The following TGFB2 variants were observed in gnomAD, a reference collection of about 807,000 sequenced individuals.
TGFB2 encodes the protein transforming growth factor beta-2 proprotein.
Under a neutral mutation model 42.7 loss-of-function variants are expected in TGFB2, and 13 were observed. That is an observed-to-expected ratio of 0.30 (90% CI 0.20 to 0.48). The LOEUF is 0.48. Among genes scored for constraint, TGFB2 ranks in the 20% least tolerant of loss-of-function variants. TGFB2 has a pLI of 0.99. For missense variants in TGFB2, 390 were observed against 517.5 expected (o/e 0.75, Z 2.39); for synonymous variants, 193 against 193.6 (o/e 1.00, Z 0.03).
chr1:218,404,149 A>G (rs1658827294), intron 1 of TGFB2, among the ~76,000 whole-genome samples: 3 of 151,330 alleles, frequency 2.0e-5, no homozygotes, highest in Middle Eastern at 7.0e-3. Context: ...ACCTCACCCT[A>G]TTGCCCAGGC....
chr1:218,355,149 C>T (rs1396663099), intron 1 of TGFB2, among the ~76,000 whole-genome samples: 1 of 152,216 alleles, frequency 6.6e-6, no homozygotes, highest in Non-Finnish European at 1.5e-5. Flanking sequence ...ATCCATCCGC[C>T]TCGGTCTCCC....
At chr1:218,379,323 C>T (rs1026841812) in intron 1 of TGFB2, among the ~76,000 whole-genome samples, 45 of 151,738 alleles carry the variant, frequency 3.0e-4, no homozygotes, top group Admixed American at 1.6e-3. Context: ...TTAGTAGAGA[C>T]AGGGTTTCAC....
rs10482810 is a variant in TGFB2 at position 218,434,190 on chromosome 1, G to C, written c.619G>C (p.Val207Leu). 8,032 of 1,614,148 alleles carry C rather than the reference G, an allele frequency of 5.0e-3. 36 individuals are homozygous for C. Among genetic ancestry groups the C allele is most frequent in the Non-Finnish European group, 6.0e-3 (7,055 of 1,179,996 alleles). ...GCTCTCCTTCGATGTAACTGATGCT[G>C]TTCATGAATGGCTTCACCATAAAGG... Reference protein sequence around the residue: ...EWLSFDVTDAVHEWLHHKDRN... With the variant: ...EWLSFDVTDALHEWLHHKDRN... Residue 207 changes from valine (V) to leucine (L), a missense_variant, in exon 3 of 7, where the codon GTT becomes CTT. By Grantham distance (32) the Val-to-Leu change is conservative (BLOSUM62 1). Coordinates refer to ENST00000366930, the MANE Select transcript of TGFB2 (RefSeq NM_003238.6).
intron 1 of TGFB2, among the ~76,000 whole-genome samples, chr1:218,371,035 C>T (rs1033446461): frequency 3.9e-5 from 6 of 152,198 alleles, no homozygotes; most frequent in East Asian, 1.9e-4. Flanking sequence ...CGCAGTGGCT[C>T]GTGCCTGTAA....
intron 4 of TGFB2, among the ~76,000 whole-genome samples, chr1:218,434,919 T>A (rs991387404): frequency 1.3e-5 from 2 of 152,214 alleles, no homozygotes; most frequent in African/African-American, 4.8e-5. Context: ...ATTCCACCTT[T>A]TCTAGTCCAT....
intron 2 of TGFB2, among the ~76,000 whole-genome samples, chr1:218,433,578 A>C (rs920697910): frequency 3.6e-4 from 55 of 152,220 alleles, no homozygotes; most frequent in African/African-American, 1.3e-3. Flanking sequence ...TTTTAATGGC[A>C]ATGGATTTGG....
At chr1:218,364,943 AT>A (rs34722473) in intron 1 of TGFB2, among the ~76,000 whole-genome samples, 2 of 152,196 alleles carry the variant, frequency 1.3e-5, no homozygotes, top group East Asian at 3.9e-4. Flanking sequence ...TAAACATCTG[AT>A]TTTTTCCCCC....
intron 1 of TGFB2, among the ~76,000 whole-genome samples, chr1:218,386,156 G>A (rs574816677): frequency 6.6e-6 from 1 of 152,248 alleles, no homozygotes; most frequent in East Asian, 1.9e-4. Flanking sequence ...GGAGAGGTGG[G>A]GACACGGGAC....
intron 2 of TGFB2, among the ~76,000 whole-genome samples, chr1:218,416,477 G>A (rs572287248): frequency 1.3e-5 from 2 of 152,214 alleles, no homozygotes; most frequent in East Asian, 1.9e-4. Flanking sequence ...ATTCCCCAAA[G>A]GAGACAAATC....
At chr1:218,423,795 G>A (rs1160301113) in intron 2 of TGFB2, among the ~76,000 whole-genome samples, 1 of 152,144 alleles carries the variant, frequency 6.6e-6, no homozygotes, top group Non-Finnish European at 1.5e-5. Context: ...TAACTCACAC[G>A]TATTGAATAC....
chr1:218,442,392 TCAA>T lies in TGFB2; in HGVS notation c.*1031_*1033del, dbSNP rs1350510931. The T allele has an allele frequency of 6.6e-6, 1 of 152,148 alleles. No individual in the cohort carries two copies. Among genetic ancestry groups the T allele is most frequent in the African/African-American group, 2.4e-5 (1 of 41,462 alleles). The allele number at this position is 152,148 out of a possible 1,614,324, so 9.4% of individuals were successfully genotyped here. A position where few individuals can be genotyped will look rare whatever the true frequency, so the allele number is the denominator to read the frequency against. ...CAGATCTCTTTTGCAAACTATTAAA[TCAA>T]AACATTAACTACTTTATGTGTAATG... On this transcript the variant is annotated 3_prime_UTR_variant, in exon 7 of 7. Coordinates refer to ENST00000366930, the MANE Select transcript of TGFB2 (RefSeq NM_003238.6).
chr1:218,431,813 T>A (rs189878645), intron 2 of TGFB2, among the ~76,000 whole-genome samples: 1 of 152,298 alleles, frequency 6.6e-6, no homozygotes, highest in Admixed American at 6.5e-5. Flanking sequence ...TTATTCCTGT[T>A]CCATAGTAGG....
At chr1:218,394,787 T>C (rs1259468206) in intron 1 of TGFB2, among the ~76,000 whole-genome samples, 1 of 152,204 alleles carries the variant, frequency 6.6e-6, no homozygotes, top group Non-Finnish European at 1.5e-5. Context: ...CAGCAGTGTT[T>C]GGGATGTGGT....
chr1:218,399,460 G>A (rs1263702317), intron 1 of TGFB2, among the ~76,000 whole-genome samples: 1 of 152,154 alleles, frequency 6.6e-6, no homozygotes, highest in East Asian at 1.9e-4. Flanking sequence ...TCCAAGCCTA[G>A]TTAATAGTAT....
intron 1 of TGFB2, among the ~76,000 whole-genome samples, chr1:218,391,502 T>C (rs1156943557): frequency 6.6e-6 from 1 of 152,188 alleles, no homozygotes; most frequent in Admixed American, 6.5e-5. Context: ...GTTTTGGGGA[T>C]TGAATGAAAT....
chr1:218,393,967 C>A (rs892598686), intron 1 of TGFB2, among the ~76,000 whole-genome samples: 1 of 150,662 alleles, frequency 6.6e-6, no homozygotes, highest in Non-Finnish European at 1.5e-5. Flanking sequence ...AGTCCAGTGG[C>A]GCAATCTCGG....
chr1:218,424,863 C>T (rs370271767), intron 2 of TGFB2, among the ~76,000 whole-genome samples: 1 of 152,254 alleles, frequency 6.6e-6, no homozygotes, highest in African/African-American at 2.4e-5. Flanking sequence ...CTACTCCCCT[C>T]TTCACATTTG....
intron 2 of TGFB2, among the ~76,000 whole-genome samples, chr1:218,425,339 C>G (rs1167457395): frequency 6.6e-6 from 1 of 152,114 alleles, no homozygotes; most frequent in African/African-American, 2.4e-5. Context: ...TCCCGAGTAG[C>G]TGGGATTACA....
At chr1:218,398,613 G>A (rs1220775985) in intron 1 of TGFB2, among the ~76,000 whole-genome samples, 1 of 150,100 alleles carries the variant, frequency 6.7e-6, no homozygotes, top group African/African-American at 2.5e-5. Context: ...TTTTGAGTTG[G>A]AGTCTTTCTC....
Sources: gnomAD v4.1 joint callset for allele counts (sites outside exome capture counted in the v4.1 genomes callset) on GRCh38, gnomAD v4.1.1 for gene constraint, MANE v1.5 for transcripts, NCBI Gene and HGNC (gene_info 2026-07-23, HGNC 2026-07-21) for gene names.